CLCNKB: variants seen among roughly 807,000 people sequenced by gnomAD.
CLCNKB encodes the protein chloride channel protein ClC-Kb.
In CLCNKB, 74 loss-of-function variants were observed where a neutral mutation model predicts 83.8. The ratio of observed to expected loss-of-function variants is 0.88; its 90% CI spans 0.73 to 1.07. CLCNKB has a LOEUF of 1.07. Ranked by LOEUF, CLCNKB falls within the 50% of genes least tolerant of loss-of-function variation. The probability of loss-of-function intolerance (pLI) is 0.00; values close to 1 mark genes in which losing one functional copy is unlikely to be tolerated. For synonymous variants in CLCNKB, 358 were observed against 356.6 expected, an observed-to-expected ratio of 1.00 and a Z score of -0.04; for missense variants, 798 against 893.6, an observed-to-expected ratio of 0.89 and a Z score of 1.36.
chr1:16,050,786 G>A (rs1261021321), intron 11 of CLCNKB, 89 bp from the exon 12 acceptor site: 1 of 1,591,794 alleles, frequency 6.3e-7, no homozygotes, highest in East Asian at 2.3e-5. Flanking sequence ...TGGCAGAGGA[G>A]GATTCCAGGC....
intron 16 of CLCNKB, among the ~76,000 whole-genome samples, chr1:16,054,128 G>GT (rs2023374965): frequency 6.6e-6 from 1 of 152,112 alleles, no homozygotes; most frequent in Non-Finnish European, 1.5e-5. Flanking sequence ...CCAAATCCTT[G>GT]TTGCCACAAG....
intron 7 of CLCNKB, 59 bp from the exon 8 acceptor site, chr1:16,049,061 T>A: frequency 6.2e-7 from 1 of 1,610,752 alleles, no homozygotes; most frequent in Non-Finnish European, 8.5e-7. Flanking sequence ...GGGGAGGGGG[T>A]CCTACAGTCA....
chr1:16,048,277 C>T, intron 5 of CLCNKB, 66 bp from the exon 6 acceptor site: 2 of 1,591,324 alleles, frequency 1.3e-6, no homozygotes, highest in Non-Finnish European at 1.7e-6. Flanking sequence ...GGAAGCCGTG[C>T]TGACTCTGGG....
chr1:16,052,208 C>T lies in CLCNKB; in HGVS notation c.1419C>T (p.Ala473=). ...ACTCTGCCCTTGCAGGGGCTGCAGC[C>T]TTCTCAGGGGCTGTGACCCACACCA... ...PGGYALAGAA[A]FSGAVTHTIS... is the part of the protein sequence containing the mutation. The change falls in exon 15 of 20, where the codon GCC becomes GCT. Residue 473 remains alanine (A), a synonymous_variant. Coordinates refer to ENST00000375679, the MANE Select transcript of CLCNKB (RefSeq NM_000085.5). 1 of 1,613,068 alleles carries T rather than the reference C, an allele frequency of 6.2e-7. No homozygotes were observed. The highest frequency in any genetic ancestry group is 1.1e-5 in the South Asian group (1 of 91,078).
intron 16 of CLCNKB, among the ~76,000 whole-genome samples, chr1:16,054,013 G>A (rs2023371848): frequency 6.6e-6 from 1 of 152,128 alleles, no homozygotes; most frequent in Non-Finnish European, 1.5e-5. Context: ...TTGTAAGGCA[G>A]TCCCTGGGCA....
intron 10 of CLCNKB, 109 bp downstream of exon 10, chr1:16,050,025 C>CAT (rs1476602909): frequency 0.017 from 12,027 of 691,914 alleles, 4,341 homozygotes; most frequent in South Asian, 0.036. Context: ...AAAGCCCATC[C>CAT]TAGCCCATGC....
intron 4 of CLCNKB, among the ~76,000 whole-genome samples, chr1:16,047,090 G>A (rs1283231227): frequency 1.3e-5 from 2 of 152,198 alleles, no homozygotes; most frequent in Admixed American, 6.5e-5. Flanking sequence ...CGGGAGGAAC[G>A]TGAACAACTC....
intron 4 of CLCNKB, among the ~76,000 whole-genome samples, chr1:16,046,976 C>G (rs528736924): frequency 6.6e-6 from 1 of 152,206 alleles, no homozygotes; most frequent in African/African-American, 2.4e-5. Flanking sequence ...TCAGCCCTGC[C>G]TCCTGCTCCA....
intron 16 of CLCNKB, 47 bp downstream of exon 16, chr1:16,053,819 C>T: frequency 6.2e-7 from 1 of 1,611,584 alleles, no homozygotes; most frequent in Non-Finnish European, 8.5e-7. Flanking sequence ...GGGATGCCCT[C>T]TGCCTCCTTC....
intron 3 of CLCNKB, among the ~76,000 whole-genome samples, chr1:16,046,031 G>A (rs1379643071): frequency 1.3e-5 from 2 of 152,212 alleles, no homozygotes; most frequent in African/African-American, 4.8e-5. Context: ...TAAGCTTGGT[G>A]CTTCCTCCCC....
chr1:16,046,773 C>A, intron 4 of CLCNKB, 110 bp downstream of exon 4: 2 of 1,431,678 alleles, frequency 1.4e-6, no homozygotes, highest in African/African-American at 1.4e-5. Context: ...CAGGAAGAGT[C>A]ATGTGGCTTG....
At position 16,051,603 on chromosome 1, in the gene CLCNKB, G is replaced by A. The variant is rs1053664729; in HGVS notation, c.1297+56G>A. ...TTCGGGGTTCTTGGGGCAGGACCAT[G>A]GCTCCTGGTTCACCCTCCCCAGGTT... On this transcript the variant is annotated intron_variant, in intron 13 of 19. Transcript: ENST00000375679. 1.2e-5 allele frequency: 19 copies of A among 1,609,104 alleles called. No individual in the cohort carries two copies. The African/African-American group carries it at 2.1e-4, about 18-fold the overall frequency.
rs371276597 is a variant in CLCNKB at position 16,050,531 on chromosome 1, C to T, written c.984C>T (p.Ser328=). 80 of 1,613,978 alleles carry T rather than the reference C, an allele frequency of 5.0e-5. No homozygotes were observed. The highest frequency in any genetic ancestry group is 6.7e-5 in the Admixed American group (4 of 60,008). The part of the protein sequence containing the change: ...KLLATSKPVY[S]ALATLVLASI... ...TCCCCCACAGCAAGCCTGTGTACTC[C>T]GCTCTGGCCACCTTGGTTCTCGCCT... The change falls in exon 11 of 20, where the codon TCC becomes TCT. Residue 328 remains serine, a synonymous_variant. Transcript: ENST00000375679.
At chr1:16,056,834 T>TCCCC (rs138507185) in intron 19 of CLCNKB, 35 bp from the exon 20 acceptor site, 71 of 765,044 alleles carry the variant, frequency 9.3e-5, no homozygotes, top group South Asian at 2.7e-4. Context: ...CTCCTCTACA[T>TCCCC]CCCCCCGCAC....
chr1:16,053,053 T>G (rs1353029969), intron 15 of CLCNKB, among the ~76,000 whole-genome samples: 2 of 151,320 alleles, frequency 1.3e-5, no homozygotes, highest in Non-Finnish European at 2.9e-5. Flanking sequence ...TTTTTTGAGA[T>G]GGAATCTCAC....
In CLCNKB at chr1:16,049,934, G is replaced by C; in HGVS notation, c.968+18G>C. On this transcript the variant is annotated intron_variant, in intron 10 of 19. Transcript: ENST00000375679. Reference sequence around the variant, plus strand: ...GCCACCAGGTAGGCTCCGGGCTAAGGGCTGGGGACCTCTCAGCGAGCTCCC... The same window carrying C: ...GCCACCAGGTAGGCTCCGGGCTAAGCGCTGGGGACCTCTCAGCGAGCTCCC... The C allele has an allele frequency of 5.7e-6, 8 of 1,402,638 alleles. No homozygotes were observed. The highest frequency in any genetic ancestry group is 7.6e-6 in the Non-Finnish European group (8 of 1,054,812). 86.9% of individuals were successfully genotyped at this position (1,402,638 alleles called of 1,614,324 possible). A position where few individuals can be genotyped will look rare whatever the true frequency, so the allele number is the denominator to read the frequency against.
rs1200248947 is a variant in CLCNKB at position 16,043,783 on chromosome 1, AG to A, written c.-103del. 1 of 151,658 alleles carries A rather than the reference AG, an allele frequency of 6.6e-6. No homozygotes were observed. The highest frequency in any genetic ancestry group is 2.4e-5 in the African/African-American group (1 of 41,074). 9.4% of individuals were successfully genotyped at this position (151,658 alleles called of 1,614,324 possible). The stretch of plus-strand genomic sequence containing the variant: ...CCTGGGCCCAGGCGGGAAAGGGGGG[AG>A]GATGTTGATTGTTGGAACACACACC... On this transcript the variant is annotated 5_prime_UTR_variant, in exon 1 of 20. Coordinates refer to ENST00000375679, the MANE Select transcript of CLCNKB (RefSeq NM_000085.5).
In CLCNKB at chr1:16,050,979, C is replaced by T; in HGVS notation, c.1158C>T (p.His386=). 3 of 1,614,042 alleles carry T rather than the reference C, an allele frequency of 1.9e-6. No homozygotes were observed. The highest frequency in any genetic ancestry group is 2.5e-6 in the Non-Finnish European group (3 of 1,180,002). ...GGCCCGAGGAGCTCGACCCCCAGCA[C>T]CTGTGGTGGGAATGGTACCACCCGC... is the stretch of plus-strand genomic sequence containing the variant. The part of the protein sequence containing the change: ...PPWPEELDPQ[H]LWWEWYHPRF... Residue 386 remains histidine, a synonymous_variant, in exon 12 of 20, where the codon CAC becomes CAT. Coordinates refer to ENST00000375679, the MANE Select transcript of CLCNKB (RefSeq NM_000085.5).
At position 16,048,484 on chromosome 1, in the gene CLCNKB, C is replaced by T. The variant is rs373043851; in HGVS notation, c.577-20C>T. On this transcript the variant is annotated intron_variant, in intron 6 of 19. Transcript: ENST00000375679. ...GGGAGGGAGGGGGCTGACTCTGAGCCCTGGACTCGGATCCCCCAGAACAAG... is the reference window on the plus strand; with the variant it reads ...GGGAGGGAGGGGGCTGACTCTGAGCTCTGGACTCGGATCCCCCAGAACAAG... 2 of 1,610,770 alleles carry T rather than the reference C, an allele frequency of 1.2e-6. No individual in the cohort carries two copies. Among genetic ancestry groups the T allele is most frequent in the Non-Finnish European group, 8.5e-7 (1 of 1,179,534 alleles).
Sources: gnomAD v4.1 joint callset for allele counts (sites outside exome capture counted in the v4.1 genomes callset) on GRCh38, gnomAD v4.1.1 for gene constraint, MANE v1.5 for transcripts, NCBI Gene and HGNC (gene_info 2026-07-23, HGNC 2026-07-21) for gene names.